The following DLG2 variants were observed in gnomAD, a reference collection of about 807,000 sequenced individuals.
DLG2 encodes disks large homolog 2.
A neutral mutation model predicts 132.5 loss-of-function variants in DLG2; 45 were observed. That is an observed-to-expected ratio of 0.34 (90% CI 0.27 to 0.44). The LOEUF is 0.44. DLG2 is among the 20% of genes least tolerant of loss of function. The pLI, the probability that DLG2 is intolerant of heterozygous loss-of-function variation, is 1.00. For synonymous variants in DLG2, 424 were observed against 419.6 expected (o/e 1.01, Z -0.13); for missense variants, 1,045 against 1,196.9 (o/e 0.87, Z 1.87).
Position 84,805,892 on chromosome 11 carries a change from G to T in DLG2, c.358-271161C>A, listed in dbSNP as rs183660291. Among the ~76,000 whole-genome samples, 3 of 152,222 alleles carry T rather than the reference G, an allele frequency of 2.0e-5. No individual in the cohort carries two copies. The East Asian group carries it at 5.8e-4, about 29-fold the overall frequency. On this transcript the variant is annotated intron_variant, in intron 6 of 27. Transcript: ENST00000376104. Reference sequence around the variant, plus strand: ...TGCCAATACCAAGGTGAAAGTTAATGTCATAAAAATGCTTCAAAGAGCAAT... The same window carrying T: ...TGCCAATACCAAGGTGAAAGTTAATTTCATAAAAATGCTTCAAAGAGCAAT...
At chr11:85,590,371 A>G (rs1396750397) in intron 3 of DLG2, among the ~76,000 whole-genome samples, 1 of 152,196 alleles carries the variant, frequency 6.6e-6, no homozygotes, top group Non-Finnish European at 1.5e-5. Context: ...AATACCATAG[A>G]AACATAAGGG....
rs775165457 is a variant in DLG2, at chr11:85,150,300, G to A, written c.282+4256C>T. Among the ~76,000 whole-genome samples the A allele has an allele frequency of 9.1e-4, 138 of 152,020 alleles. 1 individual carries two copies. The highest frequency in any genetic ancestry group is 9.4e-4 in the Non-Finnish European group (64 of 68,016). On this transcript the variant is annotated intron_variant, in intron 5 of 27. Transcript: ENST00000376104. ...CTCCCAAAGTACTGGGATTACAGGC[G>A]TGAGCCACCGTGCCCGGCCTCCGTT... is the stretch of plus-strand genomic sequence containing the variant.
Position 84,502,226 on chromosome 11 carries a change from CCTTCCTTCCTTCCTTCCTTCCT to C in DLG2, c.519+32322_519+32343del, listed in dbSNP as rs2099213101. Reference sequence around the variant, plus strand: ...TCCTTCCTTCCTTCCTTCCTTCCTTCCTTCCTTCCTTCCTTCCTTCCTTCCTTCCTTCCTTCCTTCCTTCCTT... The same window carrying C: ...TCCTTCCTTCCTTCCTTCCTTCCTTCTCCTTCCTTCCTTCCTTCCTTCCTT... On this transcript the variant is annotated intron_variant, in intron 7 of 27. Transcript: ENST00000376104. 1.6e-4 allele frequency among the ~76,000 whole-genome samples: 3 copies of C among 19,066 alleles called. 1 individual carries two copies. Among genetic ancestry groups the C allele is most frequent in the Non-Finnish European group, 2.8e-4 (3 of 10,670 alleles). The allele number at this position is 19,066 out of a possible 152,430, so 12.5% of individuals were successfully genotyped here. A position where few individuals can be genotyped will look rare whatever the true frequency, so the allele number is the denominator to read the frequency against.
chr11:85,437,082 T>C (rs1243132663), intron 3 of DLG2, among the ~76,000 whole-genome samples: 2 of 152,036 alleles, frequency 1.3e-5, no homozygotes, highest in African/African-American at 4.8e-5. Flanking sequence ...TTCTCACTCA[T>C]AAGTGGGAGT....
At position 83,620,731 on chromosome 11, in the gene DLG2, G is replaced by A. The variant is rs1290669496; in HGVS notation, c.1940+12480C>T. 6.0e-5 allele frequency among the ~76,000 whole-genome samples: 9 copies of A among 150,412 alleles called. No homozygotes were observed. The South Asian group carries it at 1.7e-3, about 28-fold the overall frequency. On this transcript the variant is annotated intron_variant, in intron 19 of 27. Coordinates refer to ENST00000376104, the MANE Select transcript of DLG2 (RefSeq NM_001142699.3). ...TAAAAATACAAAAAATTAGCCGGGC[G>A]TAGTGGCGGGCGCCTGTAGTCCCAG...
chr11:85,588,386 CTTTGTCTTTT>C (rs927712497), intron 3 of DLG2, among the ~76,000 whole-genome samples: 1 of 151,220 alleles, frequency 6.6e-6, no homozygotes, highest in African/African-American at 2.4e-5. Context: ...ATTTTTTTTT[CTTTGTCTTTT>C]TTGGATTAGG....
At chr11:84,102,919 T>G (rs2154183999) in intron 9 of DLG2, among the ~76,000 whole-genome samples, 1 of 152,236 alleles carries the variant, frequency 6.6e-6, no homozygotes, top group South Asian at 2.1e-4. Context: ...GGCTCTGGCA[T>G]TTTCTAATAT....
At chr11:84,606,747 G>C (rs1161492349) in intron 6 of DLG2, among the ~76,000 whole-genome samples, 2 of 152,024 alleles carry the variant, frequency 1.3e-5, no homozygotes, top group Non-Finnish European at 2.9e-5. Context: ...TGATCTTTAT[G>C]TTCTTGCTAC....
chr11:84,292,355 G>A (rs1351675754), intron 7 of DLG2, among the ~76,000 whole-genome samples: 1 of 152,178 alleles, frequency 6.6e-6, no homozygotes, highest in Non-Finnish European at 1.5e-5. Context: ...TTTTATGCTA[G>A]GTAAGTTTGA....
chr11:83,950,687 A>G (rs770515354), intron 14 of DLG2, among the ~76,000 whole-genome samples: 1 of 152,216 alleles, frequency 6.6e-6, no homozygotes, highest in Non-Finnish European at 1.5e-5. Context: ...AACTTTTACA[A>G]TATTGTCTCC....
intron 17 of DLG2, among the ~76,000 whole-genome samples, chr11:83,831,552 GAGAA>G (rs1193788876): frequency 1.3e-5 from 2 of 151,906 alleles, no homozygotes; most frequent in African/African-American, 4.8e-5. Flanking sequence ...GAGAGAGAGA[GAGAA>G]AGAGAGAGAG....
At chr11:84,378,783 C>CAAAAA (rs57445837) in intron 7 of DLG2, among the ~76,000 whole-genome samples, 2 of 142,992 alleles carry the variant, frequency 1.4e-5, no homozygotes, top group African/African-American at 5.0e-5. Flanking sequence ...ACAAAAAATA[C>CAAAAA]AAAAAAAAAA....
chr11:84,806,182 G>A (rs972208009), intron 6 of DLG2, among the ~76,000 whole-genome samples: 2 of 152,044 alleles, frequency 1.3e-5, no homozygotes, highest in Non-Finnish European at 2.9e-5. Context: ...GGGATCTGTA[G>A]CATTATTTAA....
chr11:84,861,801 T>C (rs931394973), intron 6 of DLG2, among the ~76,000 whole-genome samples: 1 of 151,660 alleles, frequency 6.6e-6, no homozygotes, highest in African/African-American at 2.4e-5. Flanking sequence ...GCAAAGAATA[T>C]GAACAGACAC....
At chr11:84,985,848 A>G (rs2056402666) in intron 6 of DLG2, among the ~76,000 whole-genome samples, 1 of 151,600 alleles carries the variant, frequency 6.6e-6, no homozygotes, top group Non-Finnish European at 1.5e-5. Context: ...AAAAATTAGC[A>G]GGGCATGATG....
intron 14 of DLG2, among the ~76,000 whole-genome samples, chr11:83,957,284 A>G (rs1486899184): frequency 6.6e-6 from 1 of 152,226 alleles, no homozygotes; most frequent in Non-Finnish European, 1.5e-5. Flanking sequence ...AACAAAAAGA[A>G]ACAAATAACA....
rs1248486704 is a variant in DLG2, at chr11:84,861,640, C to CAAAAAAAAAAAAAAAAAAAAAAAAAAA, written c.357+250020_357+250021insTTTTTTTTTTTTTTTTTTTTTTTTTTT. On this transcript the variant is annotated intron_variant, in intron 6 of 27. Coordinates refer to ENST00000376104, the MANE Select transcript of DLG2 (RefSeq NM_001142699.3). ...CAGCAAAAAAAAAAAAAAAAAAAAACAAAAAAAAAAACCTATCAGAGGGAA... is the reference window on the plus strand; with the variant it reads ...CAGCAAAAAAAAAAAAAAAAAAAAACAAAAAAAAAAAAAAAAAAAAAAAAAAAAAAAAAAAAAACCTATCAGAGGGAA... Among the ~76,000 whole-genome samples the CAAAAAAAAAAAAAAAAAAAAAAAAAAA allele has an allele frequency of 5.3e-5, 4 of 75,672 alleles. 1 individual carries two copies. Among genetic ancestry groups the CAAAAAAAAAAAAAAAAAAAAAAAAAAA allele is most frequent in the African/African-American group, 1.8e-4 (3 of 16,526 alleles). The allele number at this position is 75,672 out of a possible 152,430, so 49.6% of individuals were successfully genotyped here. A position where few individuals can be genotyped will look rare whatever the true frequency, so the allele number is the denominator to read the frequency against.
intron 11 of DLG2, among the ~76,000 whole-genome samples, chr11:84,048,480 C>T (rs1209452736): frequency 6.6e-6 from 1 of 151,638 alleles, no homozygotes; most frequent in South Asian, 2.1e-4. Flanking sequence ...TCCAGCATGG[C>T]CTTTCACCTA....
chr11:83,692,539 G>A (rs1180797004), intron 18 of DLG2, among the ~76,000 whole-genome samples: 1 of 152,134 alleles, frequency 6.6e-6, no homozygotes, highest in Non-Finnish European at 1.5e-5. Flanking sequence ...TTTTGGAGAT[G>A]ATGAAAATGC....
Sources: gnomAD v4.1 joint callset for allele counts (sites outside exome capture counted in the v4.1 genomes callset) on GRCh38, gnomAD v4.1.1 for gene constraint, MANE v1.5 for transcripts, NCBI Gene and HGNC (gene_info 2026-07-23, HGNC 2026-07-21) for gene names.